RGS5: variants seen among roughly 807,000 people sequenced by gnomAD.
The protein encoded by RGS5 is regulator of G-protein signalling 5.
RGS5 carries 20 observed loss-of-function variants against 18.9 expected under a neutral mutation model. The observed-to-expected ratio is 1.06, with a 90% confidence interval of 0.74 to 1.54. RGS5 has a LOEUF of 1.54. Among genes scored for constraint, RGS5 ranks in the 40% most tolerant of loss-of-function variants. RGS5 has a pLI of 0.00. For missense variants in RGS5, 201 were observed against 211.8 expected, an observed-to-expected ratio of 0.95 and a Z score of 0.32; for synonymous variants, 57 against 76.2, an observed-to-expected ratio of 0.75 and a Z score of 1.31.
chr1:163,314,305 AT>A (rs1466923006), intron 1 of RGS5, among the ~76,000 whole-genome samples: 1 of 152,072 alleles, frequency 6.6e-6, no homozygotes, highest in Non-Finnish European at 1.5e-5. Flanking sequence ...CTGGCAGCTG[AT>A]TTTTCCAAAG....
At chr1:163,284,355 TAC>T (rs1305702327) in intron 2 of RGS5, among the ~76,000 whole-genome samples, 12 of 152,324 alleles carry the variant, frequency 7.9e-5, no homozygotes, top group African/African-American at 2.9e-4. Context: ...TGCTCATGGC[TAC>T]AGAGTCACCT....
At chr1:163,257,284 TG>T (rs2101702909) in intron 2 of RGS5, among the ~76,000 whole-genome samples, 1 of 152,128 alleles carries the variant, frequency 6.6e-6, no homozygotes, top group South Asian at 2.1e-4. Flanking sequence ...GAGGGGGACC[TG>T]GGGTTGGGGA....
At chr1:163,203,081 A>G, upstream of RGS5, 1 of 474,828 alleles carries the variant, frequency 2.1e-6, no homozygotes, top group Non-Finnish European at 3.8e-6. Flanking sequence ...CTACTGTGGC[A>G]TAAGGCTTTC....
chr1:163,194,903 G>T (rs1659502271), intron 1 of RGS5, among the ~76,000 whole-genome samples: 1 of 152,042 alleles, frequency 6.6e-6, no homozygotes. Context: ...TTTGTAAGAA[G>T]AAATATACGT....
intron 1 of RGS5, chr1:163,212,409 A>G (rs551510685): frequency 1.3e-5 from 2 of 152,374 alleles, no homozygotes; most frequent in East Asian, 3.9e-4. Context: ...ATATCATAGC[A>G]TTGCCTGGAA....
At chr1:163,310,353 G>A (rs557902187) in intron 1 of RGS5, among the ~76,000 whole-genome samples, 15 of 152,232 alleles carry the variant, frequency 9.9e-5, no homozygotes, top group African/African-American at 2.6e-4. Context: ...TTGGGAGGCC[G>A]AAGCGGGCGG....
intron 3 of RGS5, among the ~76,000 whole-genome samples, chr1:163,156,956 A>T (rs1372709086): frequency 6.6e-6 from 1 of 152,206 alleles, no homozygotes; most frequent in African/African-American, 2.4e-5. Context: ...TTTTCAAGGA[A>T]ATTATGGTTG....
chr1:163,203,004 T>C (rs1411898006), upstream of RGS5: 4 of 599,614 alleles, frequency 6.7e-6, no homozygotes, highest in Middle Eastern at 2.8e-4. Context: ...TAGAGGAAAC[T>C]GCAGGCTGGA....
chr1:163,280,464 C>T (rs775639309), intron 2 of RGS5, among the ~76,000 whole-genome samples: 17 of 152,010 alleles, frequency 1.1e-4, no homozygotes, highest in Non-Finnish European at 2.1e-4. Flanking sequence ...AATAACTTTT[C>T]ATGTTAAAAA....
chr1:163,220,188 C>T (rs1000520174), upstream of RGS5, among the ~76,000 whole-genome samples: 2 of 152,100 alleles, frequency 1.3e-5, no homozygotes, highest in African/African-American at 4.8e-5. Context: ...TACATATTGA[C>T]CATTTAAATA....
chr1:163,272,196 A>G (rs990985404), intron 2 of RGS5, among the ~76,000 whole-genome samples: 2 of 151,286 alleles, frequency 1.3e-5, no homozygotes, highest in African/African-American at 4.9e-5. Context: ...TGAGGATTAC[A>G]TTTTCTTTCA....
intron 2 of RGS5, among the ~76,000 whole-genome samples, chr1:163,164,115 G>A (rs1657931017): frequency 6.6e-6 from 1 of 152,120 alleles, no homozygotes; most frequent in African/African-American, 2.4e-5. Flanking sequence ...CAGTCAAGTA[G>A]GATACATCCC....
intron 1 of RGS5, among the ~76,000 whole-genome samples, chr1:163,198,576 G>A (rs954121350): frequency 6.6e-6 from 1 of 152,072 alleles, no homozygotes; most frequent in African/African-American, 2.4e-5. Flanking sequence ...AAAAATCAAA[G>A]TTGTCATCAT....
At chr1:163,315,186 C>T (rs1649988118) in intron 1 of RGS5, among the ~76,000 whole-genome samples, 1 of 151,766 alleles carries the variant, frequency 6.6e-6, no homozygotes, top group Admixed American at 6.6e-5. Flanking sequence ...TCCTGAGAAT[C>T]TCATTAACTC....
intron 2 of RGS5, among the ~76,000 whole-genome samples, chr1:163,281,474 G>C (rs1648989444): frequency 6.6e-6 from 1 of 152,066 alleles, no homozygotes; most frequent in Non-Finnish European, 1.5e-5. Context: ...AAGAGGACGA[G>C]GGGGCCAGCC....
intron 2 of RGS5, among the ~76,000 whole-genome samples, chr1:163,255,793 A>C (rs1648255058): frequency 6.6e-6 from 1 of 151,926 alleles, no homozygotes; most frequent in South Asian, 2.1e-4. Flanking sequence ...CCTGGGATGC[A>C]AGGCTGGTTC....
At chr1:163,152,388 C>A in intron 4 of RGS5, 162 bp downstream of exon 4, 1 of 638,138 alleles carries the variant, frequency 1.6e-6, no homozygotes, top group Non-Finnish European at 2.6e-6. Flanking sequence ...ATATACTTGA[C>A]CATGTTGCTC....
chr1:163,263,167 G>A (rs966788531), intron 2 of RGS5, among the ~76,000 whole-genome samples: 31 of 152,244 alleles, frequency 2.0e-4, no homozygotes, highest in African/African-American at 7.2e-4. Context: ...AAGATCTTCT[G>A]TAATTTCTGC....
intron 3 of RGS5, among the ~76,000 whole-genome samples, chr1:163,158,890 G>C (rs1292889109): frequency 6.6e-6 from 1 of 152,106 alleles, no homozygotes; most frequent in African/African-American, 2.4e-5. Flanking sequence ...CGGGAGACTG[G>C]GGCTTATTGC....
Sources: gnomAD v4.1 joint callset for allele counts (sites outside exome capture counted in the v4.1 genomes callset) on GRCh38, gnomAD v4.1.1 for gene constraint, MANE v1.5 for transcripts, NCBI Gene and HGNC (gene_info 2026-07-23, HGNC 2026-07-21) for gene names.